Variants in USP37 observed in about 807,000 individuals in gnomAD.
USP37 encodes the protein ubiquitin specific peptidase 37.
USP37 carries 27 observed loss-of-function variants against 124.0 expected under a neutral mutation model. That is an observed-to-expected ratio of 0.22 (90% confidence interval 0.16 to 0.30). USP37 has a LOEUF of 0.30. Among genes scored for constraint, USP37 ranks in the 10% least tolerant of loss-of-function variants. The probability of loss-of-function intolerance (pLI) is 1.00; values close to 1 mark genes in which losing one functional copy is unlikely to be tolerated. For synonymous variants in USP37, 365 were observed against 388.0 expected, an observed-to-expected ratio of 0.94 and a Z score of 0.70; for missense variants, 889 against 1,140.4, an observed-to-expected ratio of 0.78 and a Z score of 3.17.
chr2:218,533,644 G>C (rs1285097182), intron 9 of USP37, among the ~76,000 whole-genome samples: 1 of 152,146 alleles, frequency 6.6e-6, no homozygotes, highest in African/African-American at 2.4e-5. Context: ...TCAGAGGTAA[G>C]ACTTACATGT....
rs1689495501 is a variant in USP37, at chr2:218,451,987, AAC to A, written c.*2941_*2942del. 1 of 152,636 alleles carries A rather than the reference AAC, an allele frequency of 6.6e-6. No homozygotes were observed. The highest frequency in any genetic ancestry group is 2.4e-5 in the African/African-American group (1 of 41,444). The allele number at this position is 152,636 out of a possible 1,614,324, so 9.5% of individuals were successfully genotyped here. ...CACACATGTGAATATATCCCTACGA[AAC>A]AGTCTATCTTCTCATAGGCTTAAAT... On this transcript the variant is annotated 3_prime_UTR_variant, in exon 26 of 26. Transcript: ENST00000258399.
At chr2:218,509,099 T>C (rs1021566113) in intron 11 of USP37, among the ~76,000 whole-genome samples, 4 of 152,260 alleles carry the variant, frequency 2.6e-5, no homozygotes, top group Non-Finnish European at 5.9e-5. Flanking sequence ...ATCTTCACTC[T>C]AGCCTGAATT....
intron 9 of USP37, among the ~76,000 whole-genome samples, chr2:218,533,944 T>C (rs1691476395): frequency 6.6e-6 from 1 of 152,204 alleles, no homozygotes; most frequent in South Asian, 2.1e-4. Flanking sequence ...CTTCAGACAA[T>C]AATTTCAAGA....
chr2:218,474,789 C>T lies in USP37; in HGVS notation c.2140G>A (p.Glu714Lys). 6.2e-7 allele frequency: 1 copy of T among 1,614,156 alleles called. No individual in the cohort carries two copies. Among genetic ancestry groups the T allele is most frequent in the Non-Finnish European group, 8.5e-7 (1 of 1,180,018 alleles). ...GGTGAAGCATCTCTCTTACTTATCT[C>T]CAAGACAGCTGCTAGAAGCTCTTCT... ...SEEELLAAVL[E>K]ISKRDASPSL... The change falls in exon 20 of 26, where the codon GAG becomes AAG. Residue 714 changes from glutamate to lysine, a missense_variant. Physicochemically the swap from Glu to Lys is moderately conservative, Grantham distance 56. Transcript: ENST00000258399.
chr2:218,533,119 C>T (rs1030438176), intron 9 of USP37, among the ~76,000 whole-genome samples: 5 of 151,706 alleles, frequency 3.3e-5, no homozygotes, highest in Non-Finnish European at 2.9e-5. Context: ...TGAAGTATGC[C>T]GGTACACATG....
intron 11 of USP37, among the ~76,000 whole-genome samples, chr2:218,506,439 C>T (rs1043621354): frequency 3.0e-4 from 45 of 151,140 alleles, no homozygotes; most frequent in Admixed American, 4.0e-4. Context: ...TACGGGCACA[C>T]GCCACCATGC....
rs1437391629 is a variant in USP37, at chr2:218,454,187, A to C, written c.*743T>G. 2 of 152,658 alleles carry C rather than the reference A, an allele frequency of 1.3e-5. No individual in the cohort carries two copies. Among genetic ancestry groups the C allele is most frequent in the African/African-American group, 4.8e-5 (2 of 41,462 alleles). 9.5% of individuals were successfully genotyped at this position (152,658 alleles called of 1,614,324 possible). On this transcript the variant is annotated 3_prime_UTR_variant, in exon 26 of 26. Coordinates refer to ENST00000258399, the MANE Select transcript of USP37 (RefSeq NM_020935.3). ...CTTAGAGAAAACAAAGTATATAAGA[A>C]ATATCAAATGTGGGACTGTAACATA...
At chr2:218,510,581 T>G (rs766423842) in intron 10 of USP37, among the ~76,000 whole-genome samples, 1 of 152,122 alleles carries the variant, frequency 6.6e-6, no homozygotes. Flanking sequence ...ATTTTCAATC[T>G]TCATTTTTAA....
chr2:218,514,129 T>C (rs1171528317), intron 10 of USP37: 1 of 152,152 alleles, frequency 6.6e-6, no homozygotes, highest in African/African-American at 2.4e-5. Context: ...TGAAACAGTT[T>C]TAGATTTACA....
chr2:218,464,011 A>G (rs906440586), intron 21 of USP37, among the ~76,000 whole-genome samples: 1 of 149,022 alleles, frequency 6.7e-6, no homozygotes, highest in African/African-American at 2.5e-5. Context: ...GCGTGCCACC[A>G]CACCCAGTTA....
At chr2:218,514,202 T>C (rs550312539) in intron 10 of USP37, 11 of 152,326 alleles carry the variant, frequency 7.2e-5, no homozygotes, top group South Asian at 6.2e-4. Context: ...ATAACCATAG[T>C]ACAATGACCA....
intron 10 of USP37, chr2:218,514,138 C>CA (rs1454337789): frequency 6.6e-6 from 1 of 152,034 alleles, no homozygotes; most frequent in Non-Finnish European, 1.5e-5. Flanking sequence ...TTTAGATTTA[C>CA]AAAAAAGTTG....
intron 8 of USP37, among the ~76,000 whole-genome samples, chr2:218,542,650 T>C (rs1387944926): frequency 6.6e-6 from 1 of 152,206 alleles, no homozygotes; most frequent in Admixed American, 6.5e-5. Context: ...ACAGCTTTCA[T>C]GATAGATTCC....
chr2:218,544,424 T>G (rs373457853), intron 8 of USP37, among the ~76,000 whole-genome samples: 844 of 57,002 alleles, frequency 0.015, 8 homozygotes, highest in Admixed American at 0.032. Context: ...TATATATATA[T>G]ATATATAGAG....
intron 11 of USP37, among the ~76,000 whole-genome samples, chr2:218,504,444 G>C (rs1369760361): frequency 1.3e-5 from 2 of 151,884 alleles, no homozygotes; most frequent in African/African-American, 4.8e-5. Flanking sequence ...TTTTATGTTA[G>C]AGACAAGGTC....
intron 21 of USP37, among the ~76,000 whole-genome samples, 181 bp downstream of exon 21, chr2:218,465,829 T>G (rs1408681534): frequency 2.0e-5 from 3 of 152,206 alleles, no homozygotes; most frequent in African/African-American, 7.2e-5. Flanking sequence ...GTACTGAGAT[T>G]ACAGGCATGA....
At chr2:218,471,500 T>C (rs1157917052) in intron 20 of USP37, among the ~76,000 whole-genome samples, 1 of 152,224 alleles carries the variant, frequency 6.6e-6, no homozygotes, top group African/African-American at 2.4e-5. Context: ...ACTGATGAAA[T>C]ATCAAATTCA....
intron 10 of USP37, among the ~76,000 whole-genome samples, chr2:218,515,775 A>G (rs1690243980): frequency 6.6e-6 from 1 of 152,244 alleles, no homozygotes; most frequent in South Asian, 2.1e-4. Flanking sequence ...ACAGAACGGG[A>G]GAAAATTTTT....
At chr2:218,468,130 C>G (rs1431830106) in intron 20 of USP37, among the ~76,000 whole-genome samples, 1 of 151,648 alleles carries the variant, frequency 6.6e-6, no homozygotes, top group African/African-American at 2.4e-5. Context: ...GTCAAGTGAT[C>G]CGCCCACCTC....
Sources: allele counts gnomAD v4.1 joint callset (sites outside exome capture counted in the v4.1 genomes callset), GRCh38; gene constraint gnomAD v4.1.1; transcripts MANE v1.5; gene names NCBI Gene and HGNC (gene_info 2026-07-23, HGNC 2026-07-21).